The following UNC5D variants were observed in gnomAD, a reference collection of about 807,000 sequenced individuals.
The protein encoded by UNC5D is netrin receptor UNC5D.
A neutral mutation model predicts 105.4 loss-of-function variants in UNC5D; 39 were observed. That is an observed-to-expected ratio of 0.37 (90% CI 0.29 to 0.48). The LOEUF (loss-of-function observed/expected upper bound fraction) is 0.48, where lower values mean the gene tolerates loss of function less well. Among genes scored for constraint, UNC5D ranks in the 20% least tolerant of loss-of-function variants. UNC5D has a pLI of 0.98. For synonymous variants in UNC5D, 452 were observed against 450.4 expected (o/e 1.00, Z -0.04); for missense variants, 991 against 1,202.4 (o/e 0.82, Z 2.60).
intron 4 of UNC5D, among the ~76,000 whole-genome samples, chr8:35,628,404 GA>G (rs1821825587): frequency 1.3e-5 from 2 of 152,264 alleles, no homozygotes; most frequent in South Asian, 4.1e-4. Context: ...AAAGTGCTAG[GA>G]TTACAGGTGT....
intron 1 of UNC5D, among the ~76,000 whole-genome samples, chr8:35,251,241 C>T (rs1261540030): frequency 6.6e-6 from 1 of 152,020 alleles, no homozygotes; most frequent in African/African-American, 2.4e-5. Flanking sequence ...TGGGTAGGCC[C>T]TAGGAAACTT....
chr8:35,509,349 G>T (rs1464589841), intron 1 of UNC5D, among the ~76,000 whole-genome samples: 1 of 151,004 alleles, frequency 6.6e-6, no homozygotes, highest in African/African-American at 2.4e-5. Context: ...CTCTCCATGG[G>T]ATGTAGGGGT....
intron 1 of UNC5D, among the ~76,000 whole-genome samples, chr8:35,308,798 C>T (rs1002816859): frequency 6.6e-6 from 1 of 151,938 alleles, no homozygotes; most frequent in African/African-American, 2.4e-5. Flanking sequence ...CTGTTATTGA[C>T]TATCTTTCAA....
chr8:35,741,843 G>A (rs893064242), intron 11 of UNC5D, among the ~76,000 whole-genome samples: 3 of 152,084 alleles, frequency 2.0e-5, no homozygotes, highest in Non-Finnish European at 2.9e-5. Flanking sequence ...TGTAGAAAAT[G>A]CAGGTTCCTG....
At chr8:35,382,604 T>C (rs1416849155) in intron 1 of UNC5D, among the ~76,000 whole-genome samples, 2 of 152,192 alleles carry the variant, frequency 1.3e-5, no homozygotes, top group Non-Finnish European at 2.9e-5. Context: ...TGTCTTGAGA[T>C]GGGGCTTTAA....
At chr8:35,682,829 G>A (rs891718421) in intron 4 of UNC5D, among the ~76,000 whole-genome samples, 4 of 152,270 alleles carry the variant, frequency 2.6e-5, no homozygotes, top group African/African-American at 7.2e-5. Flanking sequence ...AAACACATCC[G>A]AAATGGGAGT....
intron 1 of UNC5D, among the ~76,000 whole-genome samples, chr8:35,388,126 C>A (rs1019165347): frequency 6.6e-6 from 1 of 151,952 alleles, no homozygotes; most frequent in Admixed American, 6.6e-5. Flanking sequence ...GTAATCCCAG[C>A]ACTTTGGGAG....
intron 4 of UNC5D, among the ~76,000 whole-genome samples, chr8:35,674,894 C>G (rs567084644): frequency 1.1e-4 from 17 of 152,232 alleles, no homozygotes; most frequent in Admixed American, 1.0e-3. Flanking sequence ...CTTCAAAAAG[C>G]TTTCAGTTTA....
intron 1 of UNC5D, among the ~76,000 whole-genome samples, chr8:35,418,621 G>A (rs2128963647): frequency 6.6e-6 from 1 of 152,238 alleles, no homozygotes; most frequent in South Asian, 2.1e-4. Context: ...GTTCCTGATT[G>A]TTACATAAAA....
intron 4 of UNC5D, among the ~76,000 whole-genome samples, chr8:35,599,534 G>C (rs1027791464): frequency 1.3e-5 from 2 of 152,004 alleles, no homozygotes; most frequent in African/African-American, 4.8e-5. Flanking sequence ...CTCACATCCA[G>C]GTGTTCAATA....
intron 1 of UNC5D, among the ~76,000 whole-genome samples, chr8:35,328,066 T>G (rs1459167453): frequency 6.6e-6 from 1 of 152,154 alleles, no homozygotes; most frequent in East Asian, 1.9e-4. Context: ...TTTGTTTGTT[T>G]TGGCTGGAGT....
intron 4 of UNC5D, among the ~76,000 whole-genome samples, chr8:35,597,957 G>A (rs973350863): frequency 2.0e-5 from 3 of 152,124 alleles, no homozygotes; most frequent in South Asian, 2.1e-4. Context: ...ACTTGACTGC[G>A]CTACAGTCAC....
intron 1 of UNC5D, among the ~76,000 whole-genome samples, chr8:35,285,599 G>A (rs1312592556): frequency 6.6e-6 from 1 of 152,128 alleles, no homozygotes; most frequent in Non-Finnish European, 1.5e-5. Flanking sequence ...TATTTATTCA[G>A]GGATCTAGAA....
intron 13 of UNC5D, among the ~76,000 whole-genome samples, chr8:35,755,967 C>T (rs950203459): frequency 2.6e-5 from 4 of 152,276 alleles, no homozygotes; most frequent in Middle Eastern, 3.4e-3. Context: ...CCAAGAAACA[C>T]TTACAAATAC....
chr8:35,525,391 T>G, intron 1 of UNC5D: 1 of 1,612,204 alleles, frequency 6.2e-7, no homozygotes, highest in Non-Finnish European at 8.5e-7. Flanking sequence ...TTACAGTCTT[T>G]AATGGTCTTG....
intron 2 of UNC5D, among the ~76,000 whole-genome samples, chr8:35,557,252 G>A (rs1816620725): frequency 1.3e-5 from 2 of 152,170 alleles, no homozygotes; most frequent in African/African-American, 4.8e-5. Context: ...AATCTCTTGT[G>A]TGGAAGAAAC....
intron 4 of UNC5D, among the ~76,000 whole-genome samples, chr8:35,600,713 G>A (rs1258393785): frequency 1.3e-5 from 2 of 152,152 alleles, no homozygotes; most frequent in East Asian, 3.9e-4. Flanking sequence ...TTTGTCAGAT[G>A]AGTAGGTTGC....
chr8:35,327,000 A>C (rs984573034), intron 1 of UNC5D, among the ~76,000 whole-genome samples: 7 of 152,114 alleles, frequency 4.6e-5, no homozygotes, highest in African/African-American at 1.4e-4. Flanking sequence ...TGTTATGAAC[A>C]TTGCCCCCAC....
chr8:35,356,481 A>G (rs765787143), intron 1 of UNC5D, among the ~76,000 whole-genome samples: 1 of 152,118 alleles, frequency 6.6e-6, no homozygotes, highest in Non-Finnish European at 1.5e-5. Context: ...TTCTGTCTTA[A>G]CTGAGCACTT....
Sources: gnomAD v4.1 joint callset for allele counts (sites outside exome capture counted in the v4.1 genomes callset) on GRCh38, gnomAD v4.1.1 for gene constraint, MANE v1.5 for transcripts, NCBI Gene and HGNC (gene_info 2026-07-23, HGNC 2026-07-21) for gene names.